Variants in ZNF676 observed in about 807,000 individuals in gnomAD.
ZNF676 encodes the protein zinc finger protein 676.
A neutral mutation model predicts 6.0 loss-of-function variants in ZNF676; 4 were observed. That is an observed-to-expected ratio of 0.67 (90% CI 0.33 to 1.53). ZNF676 has a LOEUF of 1.53. ZNF676 is among the 40% of genes most tolerant of loss of function. The pLI, the probability that ZNF676 is intolerant of heterozygous loss-of-function variation, is 0.06. For missense variants in ZNF676, 644 were observed against 679.7 expected (o/e 0.95, Z 0.58); for synonymous variants, 198 against 223.1 (o/e 0.89, Z 1.00).
chr19:22,191,212 A>G (rs186957536), intron 2 of ZNF676, among the ~76,000 whole-genome samples: 21 of 152,302 alleles, frequency 1.4e-4, no homozygotes, highest in African/African-American at 4.1e-4. Context: ...AAACTTTGCT[A>G]AAGCCCAAGA....
At chr19:22,212,658 T>C (rs1203491973) in intron 1 of ZNF676, among the ~76,000 whole-genome samples, 2 of 151,610 alleles carry the variant, frequency 1.3e-5, no homozygotes, top group East Asian at 1.9e-4. Context: ...TGAGCCGAGA[T>C]TGCACCACCG....
chr19:22,207,261 G>C lies in ZNF676; in HGVS notation c.3+8371C>G, dbSNP rs370339364. On this transcript the variant is annotated intron_variant, in intron 1 of 3. Transcript: ENST00000650058. ...TTCAGTAAAGTCTCAGGATACAAAA[G>C]AAATGTACAAAAATTAGTAGCAACC... Among the ~76,000 whole-genome samples the C allele has an allele frequency of 5.5e-4, 84 of 152,248 alleles. No individual in the cohort carries two copies. In the East Asian group the frequency reaches 0.011, roughly 20 times the overall value.
At chr19:22,198,135 A>G (rs1463078697), upstream of ZNF676, among the ~76,000 whole-genome samples, 1 of 152,208 alleles carries the variant, frequency 6.6e-6, no homozygotes, top group African/African-American at 2.4e-5. Flanking sequence ...AATAAAGAAC[A>G]CAGATGAAAC....
intron 1 of ZNF676, among the ~76,000 whole-genome samples, chr19:22,208,517 C>T (rs1178637749): frequency 1.3e-5 from 2 of 152,294 alleles, no homozygotes; most frequent in African/African-American, 2.4e-5. Flanking sequence ...AACCTCACAA[C>T]GGGGTTTATA....
upstream of ZNF676, chr19:22,215,797 T>G: frequency 3.6e-6 from 2 of 548,222 alleles, no homozygotes; most frequent in Middle Eastern, 5.0e-4. Flanking sequence ...AGCCGACCTG[T>G]CCCCCCCCCC....
chr19:22,184,520 A>G (rs2023805607), intron 2 of ZNF676, among the ~76,000 whole-genome samples: 1 of 152,008 alleles, frequency 6.6e-6, no homozygotes, highest in South Asian at 2.1e-4. Context: ...GTGAGACAGA[A>G]CCATTCACTC....
chr19:22,253,440 A>C, the ZNF676 span, among the ~76,000 whole-genome samples: 2 of 119,516 alleles, frequency 1.7e-5, no homozygotes, highest in African/African-American at 3.4e-5. Context: ...ATATATGATA[A>C]TGTGTATATA....
the ZNF676 span, among the ~76,000 whole-genome samples, chr19:22,232,435 G>A: frequency 6.6e-6 from 1 of 151,952 alleles, no homozygotes; most frequent in Admixed American, 6.6e-5. Flanking sequence ...CAGAGTGCTG[G>A]GAATACAGGC....
the ZNF676 span, among the ~76,000 whole-genome samples, chr19:22,235,536 G>A: frequency 6.6e-6 from 1 of 152,160 alleles, no homozygotes; most frequent in Non-Finnish European, 1.5e-5. Context: ...ACAGGCCCTG[G>A]ACCACTGGAC....
At chr19:22,238,293 A>G in the ZNF676 span, among the ~76,000 whole-genome samples, 1 of 152,072 alleles carries the variant, frequency 6.6e-6, no homozygotes, top group Admixed American at 6.6e-5. Flanking sequence ...CTCGTGATCC[A>G]CCTGCCTCAG....
At chr19:22,233,912 T>C in the ZNF676 span, among the ~76,000 whole-genome samples, 1 of 152,234 alleles carries the variant, frequency 6.6e-6, no homozygotes, top group Non-Finnish European at 1.5e-5. Flanking sequence ...GGGATACAAA[T>C]ATCTTCACAG....
chr19:22,181,167 G>T lies in ZNF676; in HGVS notation c.550C>A (p.Leu184Ile). Reference protein sequence around the residue: ...NGKAFNWSSTLTYYKSIHTGE... With the variant: ...NGKAFNWSSTITYYKSIHTGE... ...GTATGAATACTCTTATAATAAGTAA[G>T]GGTTGAGGACCAGTTAAAAGCTTTG... Residue 184 changes from leucine (L) to isoleucine (I), a missense_variant, in exon 3 of 3, where the codon CTT becomes ATT. This residue lies in a region of ZNF676 where 280 missense variants were observed against 269.3 expected (regional missense o/e 1.04). Transcript: ENST00000397121. 6.2e-7 allele frequency: 1 copy of T among 1,613,964 alleles called. No individual in the cohort carries two copies. Among genetic ancestry groups the T allele is most frequent in the Non-Finnish European group, 8.5e-7 (1 of 1,179,958 alleles).
the ZNF676 span, among the ~76,000 whole-genome samples, chr19:22,232,158 ATTTCT>A: frequency 5.3e-5 from 8 of 151,588 alleles, no homozygotes; most frequent in South Asian, 2.1e-4. Flanking sequence ...ACAATAGCAT[ATTTCT>A]TTTCTTTTCT....
At chr19:22,216,185 AT>A (rs1353038142), upstream of ZNF676, among the ~76,000 whole-genome samples, 12 of 152,206 alleles carry the variant, frequency 7.9e-5, no homozygotes, top group African/African-American at 2.7e-4. Context: ...CTTTAATCCC[AT>A]CAGTTTGGGA....
In ZNF676 at chr19:22,180,005, T is replaced by G. The variant is rs1173799421; in HGVS notation, c.1712A>C (p.Lys571Thr). The G allele has an allele frequency of 1.2e-6, 2 of 1,613,674 alleles. No homozygotes were observed. The highest frequency in any genetic ancestry group is 2.7e-5 in the African/African-American group (2 of 74,846). ...YKCEECGKAFKSSSTVSYHKK... is the reference protein window; with the variant it reads ...YKCEECGKAFTSSSTVSYHKK... ...ATGATAACTAACAGTTGAGGATGAC[T>G]TAAAAGCTTTGCCACATTCTTCACA... The change falls in exon 3 of 3, where the codon AAG (lysine) becomes ACG (threonine). Residue 571 changes from lysine to threonine, a missense_variant. Physicochemically the swap from Lys to Thr is moderately conservative, Grantham distance 78 (BLOSUM62 -1). This residue lies in a region of ZNF676 where 306 missense variants were observed against 265.4 expected (regional missense o/e 1.15). Coordinates refer to ENST00000397121, the MANE Select transcript of ZNF676 (RefSeq NM_001001411.3).
chr19:22,245,415 G>A, the ZNF676 span: 6 of 152,196 alleles, frequency 3.9e-5, no homozygotes, highest in Admixed American at 3.3e-4. Context: ...TGGTTCCAGA[G>A]ATATGTCATA....
At position 22,187,219 on chromosome 19, in the gene ZNF676, C is replaced by G. The variant is rs112252305; in HGVS notation, c.131-5633G>C. 2.9e-3 allele frequency among the ~76,000 whole-genome samples: 439 copies of G among 152,258 alleles called. 2 individuals are homozygous for G. The highest frequency in any genetic ancestry group is 0.01 in the African/African-American group (420 of 41,562). ...TTAGAACTCAGGATTGAGAAACTCA[C>G]GCAAAACCGTACAATTACATGGAAA... is the stretch of plus-strand genomic sequence containing the variant. On this transcript the variant is annotated intron_variant, in intron 2 of 2. Coordinates refer to ENST00000397121, the MANE Select transcript of ZNF676 (RefSeq NM_001001411.3).
At chr19:22,194,372 A>G (rs1437974862) in intron 1 of ZNF676, among the ~76,000 whole-genome samples, 4 of 152,346 alleles carry the variant, frequency 2.6e-5, no homozygotes, top group African/African-American at 9.6e-5. Flanking sequence ...TGTGAGATCC[A>G]CACAAAGCTT....
upstream of ZNF676, among the ~76,000 whole-genome samples, chr19:22,201,731 CAAAAAAAAAAAAAAAAA>C (rs35526921): frequency 3.9e-5 from 3 of 76,228 alleles, no homozygotes; most frequent in African/African-American, 1.3e-4. Flanking sequence ...TTTGTAAAGG[CAAAAAAAAAAAAAAAAA>C]AAAAAAAAAA....
Sources: gnomAD v4.1 joint callset for allele counts (sites outside exome capture counted in the v4.1 genomes callset) on GRCh38, gnomAD v4.1.1 for gene constraint, gnomAD v4.1.1 regional missense constraint, MANE v1.5 for transcripts, NCBI Gene and HGNC (gene_info 2026-07-23, HGNC 2026-07-21) for gene names.